The following MTMR8 variants were observed in gnomAD, a reference collection of about 807,000 sequenced individuals.
MTMR8 encodes myotubularin related protein 8, also known as phosphatidylinositol-3,5-bisphosphate 3-phosphatase MTMR8.
Under a neutral mutation model 39.3 loss-of-function variants are expected in MTMR8, and 65 were observed. That is an observed-to-expected ratio of 1.65 (90% CI 1.35 to 2.03). The LOEUF (loss-of-function observed/expected upper bound fraction) is 2.03, where lower values mean the gene tolerates loss of function less well. MTMR8 is among the 30% of genes most tolerant of loss of function. The pLI is 0.00. For synonymous variants in MTMR8, 245 were observed against 185.2 expected (o/e 1.32, Z -2.62); for missense variants, 777 against 538.9 (o/e 1.44, Z -4.37).
rs1225695345 is a variant in MTMR8 at position 64,305,564 on chromosome X, A to C, written c.1481+23208T>G. On this transcript the variant is annotated intron_variant, in intron 12 of 13. Coordinates refer to ENST00000374852, the MANE Select transcript of MTMR8 (RefSeq NM_017677.4). ...CTACTTCTGTTTGCTCTTCAATTCC[A>C]GTAGCCATGTTGCTCACAGCTTGAG... 1.1e-5 allele frequency: 5 copies of C among 455,701 alleles called. No homozygotes were observed. The East Asian group carries it at 1.6e-4, about 15-fold the overall frequency. The allele number at this position is 455,701 out of a possible 1,213,427, so 37.6% of individuals were successfully genotyped here. A position where few individuals can be genotyped will look rare whatever the true frequency, so the allele number is the denominator to read the frequency against.
chrX:64,280,293 T>A (rs1931974135), intron 12 of MTMR8, among the ~76,000 whole-genome samples: 1 of 111,399 alleles, frequency 9.0e-6, no homozygotes, highest in Admixed American at 9.5e-5. Flanking sequence ...GATGCAAAAA[T>A]CCTCAATAAA....
intron 12 of MTMR8, among the ~76,000 whole-genome samples, chrX:64,311,988 C>A (rs1922318616): frequency 1.8e-5 from 2 of 111,045 alleles, no homozygotes; most frequent in Non-Finnish European, 3.8e-5. Context: ...GCAATGCAGG[C>A]TCTTTTTTGG....
chrX:64,305,467 C>T (rs774691588), intron 12 of MTMR8: 22 of 296,429 alleles, frequency 7.4e-5, no homozygotes, highest in Non-Finnish European at 1.0e-4. Flanking sequence ...AACCATACTG[C>T]CTCTTTATTA....
In MTMR8 at chrX:64,268,532, C is replaced by G. The variant is rs1261613953; in HGVS notation, c.*5G>C. On this transcript the variant is annotated 3_prime_UTR_variant, in exon 14 of 14. Transcript: ENST00000374852. ...TATACCTAGCATGGAAGATGAGTAACTAACTCACTGATGCTTGGAGTAGTC... is the reference window on the plus strand; with the variant it reads ...TATACCTAGCATGGAAGATGAGTAAGTAACTCACTGATGCTTGGAGTAGTC... 1 of 1,195,408 alleles carries G rather than the reference C, an allele frequency of 8.4e-7. No individual in the cohort carries two copies. Among genetic ancestry groups the G allele is most frequent in the African/African-American group, 1.8e-5 (1 of 56,645 alleles).
rs1419964838 is a variant in MTMR8, at chrX:64,268,106, C to G, written c.*431G>C. ...TAAAATTTTCTTTCAATTTATTCTGCAATTCACAGTTACCTGCTGTATACC... is the reference window on the plus strand; with the variant it reads ...TAAAATTTTCTTTCAATTTATTCTGGAATTCACAGTTACCTGCTGTATACC... On this transcript the variant is annotated 3_prime_UTR_variant, in exon 14 of 14. Transcript: ENST00000374852. The G allele has an allele frequency of 8.1e-6, 1 of 123,044 alleles. No homozygotes were observed. Among genetic ancestry groups the G allele is most frequent in the Admixed American group, 8.9e-5 (1 of 11,272 alleles). 10.1% of individuals were successfully genotyped at this position (123,044 alleles called of 1,213,427 possible). A position where few individuals can be genotyped will look rare whatever the true frequency, so the allele number is the denominator to read the frequency against.
intron 12 of MTMR8, among the ~76,000 whole-genome samples, chrX:64,316,123 C>G (rs1922459429): frequency 8.9e-6 from 1 of 111,826 alleles, no homozygotes; most frequent in South Asian, 3.7e-4. Context: ...TTTGCTTCCA[C>G]TGTCATACAT....
At chrX:64,343,963 A>G (rs943292447) in intron 7 of MTMR8, among the ~76,000 whole-genome samples, 1 of 110,925 alleles carries the variant, frequency 9.0e-6, no homozygotes, top group Non-Finnish European at 1.9e-5. Context: ...ATCTCTCAAG[A>G]AGAGAGCCAG....
chrX:64,368,458 A>T (rs758746317), intron 1 of MTMR8, among the ~76,000 whole-genome samples: 4 of 111,677 alleles, frequency 3.6e-5, no homozygotes, highest in African/African-American at 1.3e-4. Context: ...AACACCACAC[A>T]TCTAGAACCA....
chrX:64,349,560 T>G (rs936756072), intron 5 of MTMR8, among the ~76,000 whole-genome samples: 2 of 110,968 alleles, frequency 1.8e-5, no homozygotes, highest in African/African-American at 6.6e-5. Context: ...CTACCTGAAA[T>G]TATATGAAAA....
At chrX:64,269,852 T>A (rs1931719742) in intron 13 of MTMR8, among the ~76,000 whole-genome samples, 1 of 111,706 alleles carries the variant, frequency 9.0e-6, no homozygotes, top group African/African-American at 3.3e-5. Flanking sequence ...TGCTCTGTAT[T>A]AAAAAAAGAA....
intron 12 of MTMR8, among the ~76,000 whole-genome samples, chrX:64,296,884 T>A (rs1328143239): frequency 2.9e-5 from 3 of 103,388 alleles, no homozygotes; most frequent in Non-Finnish European, 5.9e-5. Flanking sequence ...TCCAATTTCA[T>A]CCATGTCCCT....
intron 12 of MTMR8, among the ~76,000 whole-genome samples, chrX:64,298,407 G>T (rs1330456719): frequency 2.3e-4 from 20 of 87,787 alleles, no homozygotes; most frequent in Non-Finnish European, 3.4e-4. Flanking sequence ...AAGAATGCTT[G>T]TGATTTTTGT....
intron 12 of MTMR8, among the ~76,000 whole-genome samples, chrX:64,317,881 T>C (rs1922515528): frequency 8.9e-6 from 1 of 112,192 alleles, no homozygotes; most frequent in African/African-American, 3.2e-5. Context: ...GACACTTGAG[T>C]TGGGGAGGTG....
At chrX:64,325,263 G>A (rs373513464) in intron 12 of MTMR8, among the ~76,000 whole-genome samples, 23 of 111,522 alleles carry the variant, frequency 2.1e-4, no homozygotes, top group Admixed American at 1.0e-3. Flanking sequence ...CAAACTAGTC[G>A]GCACAACTGA....
chrX:64,371,266 C>T (rs910872205), intron 1 of MTMR8, among the ~76,000 whole-genome samples: 3 of 111,399 alleles, frequency 2.7e-5, no homozygotes, highest in Non-Finnish European at 3.8e-5. Context: ...GATGAAGTAG[C>T]CAAAGAACAT....
intron 4 of MTMR8, 57 bp downstream of exon 4, chrX:64,354,720 G>A: frequency 1.9e-6 from 2 of 1,062,061 alleles, no homozygotes; most frequent in Non-Finnish European, 2.5e-6. Flanking sequence ...CTTGTTTCCT[G>A]ATATTCTACC....
At chrX:64,372,462 C>T (rs1924153322) in intron 1 of MTMR8, among the ~76,000 whole-genome samples, 1 of 111,496 alleles carries the variant, frequency 9.0e-6, no homozygotes, top group Admixed American at 9.6e-5. Flanking sequence ...CTCCCTTCTG[C>T]TATTTCTTTA....
Position 64,337,325 on chromosome X carries a change from G to T in MTMR8, c.1044C>A (p.Val348=), listed in dbSNP as rs1486987701. 8.3e-7 allele frequency: 1 copy of T among 1,209,679 alleles called. No homozygotes were observed. The highest frequency in any genetic ancestry group is 3.0e-5 in the East Asian group (1 of 33,757). ...CSDGWDRTAQ[V]CSVASILLDP... ...CTAGGAGGATGCTAGCCACTGAGCA[G>T]ACTTGTGCTGTGCGGTCCCATCCAT... Residue 348 remains valine, a synonymous_variant, in exon 9 of 14, where the codon GTC becomes GTA. Transcript: ENST00000374852.
At chrX:64,285,830 G>A (rs1427826252) in intron 12 of MTMR8, among the ~76,000 whole-genome samples, 1 of 111,171 alleles carries the variant, frequency 9.0e-6, no homozygotes, top group Admixed American at 9.6e-5. Flanking sequence ...AAAGCAGTGT[G>A]TAGAGGGAAA....
Sources: gnomAD v4.1 joint callset for allele counts (sites outside exome capture counted in the v4.1 genomes callset) on GRCh38, gnomAD v4.1.1 for gene constraint, MANE v1.5 for transcripts, NCBI Gene and HGNC (gene_info 2026-07-23, HGNC 2026-07-21) for gene names.